COX10: variants seen among roughly 807,000 people sequenced by gnomAD.
COX10 encodes the protein cytochrome c oxidase assembly factor heme A:farnesyltransferase COX10.
In COX10, 27 loss-of-function variants were observed where a neutral mutation model predicts 37.3. The ratio of observed to expected loss-of-function variants is 0.72; its 90% CI spans 0.53 to 1.00. The LOEUF (loss-of-function observed/expected upper bound fraction) is 1.00, where lower values mean the gene tolerates loss of function less well. COX10 is among the 50% of genes least tolerant of loss of function. The pLI, the probability that COX10 is intolerant of heterozygous loss-of-function variation, is 0.00. For missense variants in COX10, 475 were observed against 563.2 expected, an observed-to-expected ratio of 0.84 and a Z score of 1.59; for synonymous variants, 222 against 229.1, an observed-to-expected ratio of 0.97 and a Z score of 0.28.
At chr17:14,082,131 C>T (rs1315178773) in intron 3 of COX10, among the ~76,000 whole-genome samples, 1 of 152,122 alleles carries the variant, frequency 6.6e-6, no homozygotes, top group Non-Finnish European at 1.5e-5. Flanking sequence ...TGTACAGTGA[C>T]CATGCTGATG....
chr17:14,164,051 G>A (rs1016844167), intron 5 of COX10, among the ~76,000 whole-genome samples: 8 of 152,106 alleles, frequency 5.3e-5, no homozygotes, highest in Non-Finnish European at 8.8e-5. Context: ...AGCATTGTGC[G>A]TGTATGTAAA....
intron 3 of COX10, among the ~76,000 whole-genome samples, chr17:14,091,739 C>T (rs1170930569): frequency 1.3e-5 from 2 of 152,114 alleles, no homozygotes; most frequent in Admixed American, 6.6e-5. Flanking sequence ...GGTAGCTAAA[C>T]GCTAAATACC....
intron 5 of COX10, among the ~76,000 whole-genome samples, chr17:14,176,036 C>A (rs1905677880): frequency 3.9e-5 from 6 of 152,080 alleles, no homozygotes; most frequent in Admixed American, 3.9e-4. Flanking sequence ...TAAAAGAACC[C>A]CTCAGCTGCC....
Position 14,207,280 on chromosome 17 carries a change from A to G in COX10, c.*67A>G. ...GCGAGCATGTTGTGGTAATTCTGGA[A>G]CACAAGAAGAGAAATTGCTGGGTTT... On this transcript the variant is annotated 3_prime_UTR_variant, in exon 7 of 7. Transcript: ENST00000261643. 1 of 1,461,850 alleles carries G rather than the reference A, an allele frequency of 6.8e-7. No individual in the cohort carries two copies. The highest frequency in any genetic ancestry group is 9.0e-7 in the Non-Finnish European group (1 of 1,109,784). The allele number at this position is 1,461,850 out of a possible 1,614,324, so 90.6% of individuals were successfully genotyped here. A position where few individuals can be genotyped will look rare whatever the true frequency, so the allele number is the denominator to read the frequency against.
intron 4 of COX10, among the ~76,000 whole-genome samples, chr17:14,123,657 GT>G (rs1172095357): frequency 6.6e-6 from 1 of 152,138 alleles, no homozygotes; most frequent in Non-Finnish European, 1.5e-5. Flanking sequence ...TTAATGTTAT[GT>G]TTTAAGGTAA....
chr17:14,098,176 A>G (rs1915691951), intron 3 of COX10, among the ~76,000 whole-genome samples: 1 of 152,178 alleles, frequency 6.6e-6, no homozygotes, highest in African/African-American at 2.4e-5. Flanking sequence ...GTAGTAAACA[A>G]CGCTACGTTT....
intron 3 of COX10, among the ~76,000 whole-genome samples, chr17:14,101,743 C>T (rs1457755535): frequency 6.6e-6 from 1 of 152,170 alleles, no homozygotes; most frequent in Non-Finnish European, 1.5e-5. Context: ...CTGCCGTCTC[C>T]CTTTCAAATT....
chr17:14,140,235 G>T (rs907280792), intron 4 of COX10, among the ~76,000 whole-genome samples: 5 of 151,912 alleles, frequency 3.3e-5, no homozygotes, highest in Non-Finnish European at 7.4e-5. Flanking sequence ...ATTTTAATAA[G>T]ATTTTTTTGA....
chr17:14,124,430 C>T (rs1916292270), intron 4 of COX10, among the ~76,000 whole-genome samples: 3 of 152,088 alleles, frequency 2.0e-5, no homozygotes, highest in African/African-American at 7.2e-5. Context: ...GTGAAAAAAT[C>T]AAATTCTCTA....
At chr17:14,124,923 T>C (rs185612382) in intron 4 of COX10, among the ~76,000 whole-genome samples, 2 of 152,314 alleles carry the variant, frequency 1.3e-5, no homozygotes, top group African/African-American at 4.8e-5. Context: ...AAATCTTCCC[T>C]TTTGTGTAAA....
chr17:14,165,706 G>A (rs2530375), intron 5 of COX10, among the ~76,000 whole-genome samples: 88,262 of 152,062 alleles, frequency 0.58, 26,030 homozygotes, highest in Non-Finnish European at 0.62. Flanking sequence ...AAGGTGACAT[G>A]TTAAAAGCTG....
intron 3 of COX10, 55 bp downstream of exon 3, chr17:14,077,111 A>G: frequency 1.3e-6 from 2 of 1,559,180 alleles, no homozygotes; most frequent in Admixed American, 1.7e-5. Context: ...TTAGTGAAAC[A>G]AAAAGCTAAT....
chr17:14,179,742 G>A (rs1386829050), intron 5 of COX10, among the ~76,000 whole-genome samples: 3 of 151,250 alleles, frequency 2.0e-5, no homozygotes, highest in Admixed American at 6.6e-5. Context: ...GCTTGGTAAC[G>A]CTGACAGGGA....
At chr17:14,206,059 C>G (rs1411871347) in intron 6 of COX10, among the ~76,000 whole-genome samples, 2 of 152,178 alleles carry the variant, frequency 1.3e-5, no homozygotes, top group Non-Finnish European at 2.9e-5. Flanking sequence ...TTTGACACCT[C>G]CCGCTTGTGC....
intron 5 of COX10, among the ~76,000 whole-genome samples, chr17:14,163,087 A>G (rs1438714502): frequency 6.6e-6 from 1 of 152,148 alleles, no homozygotes; most frequent in Non-Finnish European, 1.5e-5. Flanking sequence ...GAAAATAATC[A>G]TGTGCGTGTT....
At position 14,077,076 on chromosome 17, in the gene COX10, T is replaced by C. The variant is rs766828212; in HGVS notation, c.499+20T>C. On this transcript the variant is annotated intron_variant, in intron 3 of 6. Transcript: ENST00000261643. Reference sequence around the variant, plus strand: ...TCACAGGTACTTTGTTTTTCTGATATACTTACTTATTTGAAACTCTATCTT... The same window carrying C: ...TCACAGGTACTTTGTTTTTCTGATACACTTACTTATTTGAAACTCTATCTT... 21 of 1,609,412 alleles carry C rather than the reference T, an allele frequency of 1.3e-5. No homozygotes were observed. The highest frequency in any genetic ancestry group is 1.8e-5 in the Non-Finnish European group (21 of 1,176,788).
chr17:14,166,952 G>T (rs72816681), intron 5 of COX10, among the ~76,000 whole-genome samples: 3,824 of 152,098 alleles, frequency 0.025, 90 homozygotes, highest in Middle Eastern at 0.058. Flanking sequence ...AATACATTTT[G>T]TAAGGATGTT....
At chr17:14,177,174 G>A (rs1374423964) in intron 5 of COX10, 4 of 686,120 alleles carry the variant, frequency 5.8e-6, no homozygotes, top group Non-Finnish European at 1.1e-5. Flanking sequence ...GGAGAGGAAT[G>A]TCTCGTCTTC....
chr17:14,186,904 G>T (rs1023678777), intron 5 of COX10, among the ~76,000 whole-genome samples: 2 of 151,876 alleles, frequency 1.3e-5, no homozygotes, highest in Admixed American at 1.3e-4. Context: ...CTGTTTCCAA[G>T]TTATTTTACT....
Sources: gnomAD v4.1 joint callset for allele counts (sites outside exome capture counted in the v4.1 genomes callset) on GRCh38, gnomAD v4.1.1 for gene constraint, MANE v1.5 for transcripts, NCBI Gene and HGNC (gene_info 2026-07-23, HGNC 2026-07-21) for gene names.